NELL1: variants seen among roughly 807,000 people sequenced by gnomAD.
NELL1 encodes the protein protein kinase C-binding protein NELL1.
A neutral mutation model predicts 107.4 loss-of-function variants in NELL1; 76 were observed. That is an observed-to-expected ratio of 0.71 (90% confidence interval 0.59 to 0.86). NELL1 has a LOEUF of 0.86. Ranked by LOEUF, NELL1 falls within the 40% of genes least tolerant of loss-of-function variation. The pLI is 0.00. For synonymous variants in NELL1, 353 were observed against 341.2 expected, an observed-to-expected ratio of 1.03 and a Z score of -0.38; for missense variants, 1,024 against 1,005.5, an observed-to-expected ratio of 1.02 and a Z score of -0.25.
chr11:20,902,444 C>T (rs998702945), intron 5 of NELL1, among the ~76,000 whole-genome samples: 2 of 152,000 alleles, frequency 1.3e-5, no homozygotes, highest in Non-Finnish European at 2.9e-5. Context: ...ACCCATTAGC[C>T]TGGCAAAAGT....
chr11:21,140,444 C>A (rs1355269639), intron 13 of NELL1, among the ~76,000 whole-genome samples: 1 of 152,104 alleles, frequency 6.6e-6, no homozygotes, highest in South Asian at 2.1e-4. Context: ...GTTAGATGCA[C>A]TGGAGTTTAA....
intron 2 of NELL1, among the ~76,000 whole-genome samples, chr11:20,734,072 G>A (rs145892047): frequency 3.3e-5 from 5 of 152,268 alleles, no homozygotes; most frequent in African/African-American, 1.2e-4. Context: ...CTGAGGTGAT[G>A]GAAGAAGCCA....
intron 2 of NELL1, among the ~76,000 whole-genome samples, chr11:20,783,241 A>C (rs1856885631): frequency 6.6e-6 from 1 of 152,182 alleles, no homozygotes; most frequent in African/African-American, 2.4e-5. Context: ...TTTGGGTCTT[A>C]TTATCCCAAG....
At chr11:20,744,396 A>G (rs770973638) in intron 2 of NELL1, among the ~76,000 whole-genome samples, 7 of 152,228 alleles carry the variant, frequency 4.6e-5, no homozygotes, top group African/African-American at 1.7e-4. Flanking sequence ...TGAACATGCT[A>G]TATCAGTCAG....
intron 4 of NELL1, among the ~76,000 whole-genome samples, chr11:20,866,852 A>G (rs1171317036): frequency 2.6e-5 from 4 of 152,138 alleles, no homozygotes; most frequent in African/African-American, 9.7e-5. Context: ...CCTTGCCTCC[A>G]ATAAGGAAAT....
chr11:21,489,173 A>G (rs957632918), intron 15 of NELL1, among the ~76,000 whole-genome samples: 1 of 151,880 alleles, frequency 6.6e-6, no homozygotes, highest in Non-Finnish European at 1.5e-5. Context: ...AAACCCCAAA[A>G]CATAGAGGAA....
At chr11:21,175,998 G>T (rs1233042898) in intron 13 of NELL1, among the ~76,000 whole-genome samples, 2 of 151,692 alleles carry the variant, frequency 1.3e-5, no homozygotes, top group Non-Finnish European at 2.9e-5. Flanking sequence ...AGGTTCAGGG[G>T]CTTTTCTGCT....
chr11:20,714,652 G>T (rs557089406), intron 2 of NELL1, among the ~76,000 whole-genome samples: 1 of 152,088 alleles, frequency 6.6e-6, no homozygotes, highest in African/African-American at 2.4e-5. Context: ...CTCCTGAGTG[G>T]CTAGGACCCA....
At chr11:21,406,289 G>C (rs1852234210) in intron 15 of NELL1, among the ~76,000 whole-genome samples, 1 of 151,924 alleles carries the variant, frequency 6.6e-6, no homozygotes, top group African/African-American at 2.4e-5. Flanking sequence ...CTTGTTGAAA[G>C]TTCTGTACGT....
At chr11:21,156,186 A>T (rs1475824007) in intron 13 of NELL1, among the ~76,000 whole-genome samples, 3 of 152,206 alleles carry the variant, frequency 2.0e-5, no homozygotes. Flanking sequence ...ATGTGACTGA[A>T]GCTGCAGAAA....
chr11:21,494,625 A>G (rs1854928135), intron 15 of NELL1, among the ~76,000 whole-genome samples: 1 of 151,972 alleles, frequency 6.6e-6, no homozygotes. Flanking sequence ...TCTACTCCTA[A>G]ATGTATACTC....
chr11:21,503,546 A>G (rs770439331), intron 15 of NELL1, among the ~76,000 whole-genome samples: 1 of 152,204 alleles, frequency 6.6e-6, no homozygotes, highest in Non-Finnish European at 1.5e-5. Flanking sequence ...AAATGGTAAT[A>G]CTAATCCTTC....
chr11:21,269,350 CCTCT>C (rs67054627), intron 14 of NELL1, among the ~76,000 whole-genome samples: 177 of 147,522 alleles, frequency 1.2e-3, no homozygotes, highest in Middle Eastern at 7.1e-3. Context: ...TTGCCAAATC[CCTCT>C]CTCTCTCTCT....
rs368565731 is a variant in NELL1, at chr11:20,833,426, C to A, written c.336-14157C>A. 7.9e-5 allele frequency among the ~76,000 whole-genome samples: 12 copies of A among 152,212 alleles called. No individual in the cohort carries two copies. The South Asian group carries it at 2.5e-3, about 32-fold the overall frequency. Reference sequence around the variant, plus strand: ...TATCACAATCAGCACTAAGGCATGCCACCTGTAATTTGTTACTGTTACTAC... The same window carrying A: ...TATCACAATCAGCACTAAGGCATGCAACCTGTAATTTGTTACTGTTACTAC... On this transcript the variant is annotated intron_variant, in intron 3 of 19. Coordinates refer to ENST00000357134, the MANE Select transcript of NELL1 (RefSeq NM_006157.5).
chr11:20,949,689 T>C (rs530781449), intron 11 of NELL1, among the ~76,000 whole-genome samples: 1 of 152,264 alleles, frequency 6.6e-6, no homozygotes, highest in Non-Finnish European at 1.5e-5. Context: ...CTGGAATGTG[T>C]CCATTACCAA....
At chr11:20,856,026 A>AATTAAACTAATTAATTAAACTAAT (rs1848876749) in intron 4 of NELL1, among the ~76,000 whole-genome samples, 1 of 152,258 alleles carries the variant, frequency 6.6e-6, no homozygotes, top group Non-Finnish European at 1.5e-5. Context: ...AACTAATGTT[A>AATTAAACTAATTAATTAAACTAAT]TAAATAATAG....
At chr11:20,916,267 C>A (rs1001326880) in intron 5 of NELL1, among the ~76,000 whole-genome samples, 1 of 151,878 alleles carries the variant, frequency 6.6e-6, no homozygotes, top group South Asian at 2.1e-4. Context: ...ACGCAGGTAC[C>A]ACAGATTAAA....
chr11:21,119,317 G>A (rs1855308217), intron 13 of NELL1, among the ~76,000 whole-genome samples: 1 of 150,248 alleles, frequency 6.7e-6, no homozygotes, highest in African/African-American at 2.5e-5. Flanking sequence ...CATGATGGAG[G>A]AGAAAGGCAA....
intron 12 of NELL1, chr11:21,000,964 GAT>G (rs1465892410): frequency 6.6e-6 from 1 of 152,038 alleles, no homozygotes; most frequent in African/African-American, 2.4e-5. Flanking sequence ...AAGATCAGAT[GAT>G]ACTCCCCCAT....
Sources: gnomAD v4.1 joint callset for allele counts (sites outside exome capture counted in the v4.1 genomes callset) on GRCh38, gnomAD v4.1.1 for gene constraint, MANE v1.5 for transcripts, NCBI Gene and HGNC (gene_info 2026-07-23, HGNC 2026-07-21) for gene names.